Variants in KLHL1 observed in about 807,000 individuals in gnomAD.
The protein encoded by KLHL1 is kelch-like protein 1.
KLHL1 carries 47 observed loss-of-function variants against 77.7 expected under a neutral mutation model. The ratio of observed to expected loss-of-function variants is 0.60; its 90% confidence interval spans 0.48 to 0.77. The LOEUF (loss-of-function observed/expected upper bound fraction) is 0.77. Among genes scored for constraint, KLHL1 ranks in the 30% least tolerant of loss-of-function variants. KLHL1 has a pLI of 0.00. For missense variants in KLHL1, 925 were observed against 910.8 expected, an observed-to-expected ratio of 1.02 and a Z score of -0.20; for synonymous variants, 360 against 325.2, an observed-to-expected ratio of 1.11 and a Z score of -1.15.
chr13:70,034,067 G>A (rs1400215953), intron 1 of KLHL1, among the ~76,000 whole-genome samples: 1 of 152,126 alleles, frequency 6.6e-6, no homozygotes. Context: ...CACTGCTTTA[G>A]TTGTTTAAGT....
intron 7 of KLHL1, among the ~76,000 whole-genome samples, chr13:69,783,969 G>C (rs2138010923): frequency 6.6e-6 from 1 of 152,266 alleles, no homozygotes; most frequent in Non-Finnish European, 1.5e-5. Context: ...AAGCCCATCA[G>C]ACTAACAGCT....
intron 1 of KLHL1, among the ~76,000 whole-genome samples, chr13:70,029,246 C>T (rs1886030956): frequency 6.6e-6 from 1 of 152,020 alleles, no homozygotes; most frequent in Non-Finnish European, 1.5e-5. Context: ...GGTGTTTTCA[C>T]TGGAAATGGC....
intron 1 of KLHL1, among the ~76,000 whole-genome samples, chr13:70,006,347 C>T (rs1251852957): frequency 1.3e-5 from 2 of 151,736 alleles, no homozygotes; most frequent in Non-Finnish European, 2.9e-5. Flanking sequence ...TCCTTTTATT[C>T]TGTTATTGAA....
intron 1 of KLHL1, among the ~76,000 whole-genome samples, chr13:70,079,101 C>A (rs1197772967): frequency 6.6e-6 from 1 of 152,160 alleles, no homozygotes; most frequent in Admixed American, 6.5e-5. Context: ...CAATCATCAA[C>A]CAAGTCATAC....
At chr13:69,861,565 T>TAC (rs944169754) in intron 5 of KLHL1, among the ~76,000 whole-genome samples, 6 of 151,938 alleles carry the variant, frequency 3.9e-5, no homozygotes, top group Non-Finnish European at 8.8e-5. Context: ...TGTATATATA[T>TAC]ACACACGCAC....
intron 5 of KLHL1, among the ~76,000 whole-genome samples, chr13:69,853,443 G>A (rs60638539): frequency 0.045 from 6,842 of 152,038 alleles, 527 homozygotes; most frequent in African/African-American, 0.16. Flanking sequence ...TGAACTGTGA[G>A]TCGATTAAGC....
intron 1 of KLHL1, among the ~76,000 whole-genome samples, chr13:70,041,683 C>T (rs1886383023): frequency 6.6e-6 from 1 of 152,012 alleles, no homozygotes; most frequent in Admixed American, 6.5e-5. Context: ...TCCACTAGTG[C>T]CACTTTGACA....
At chr13:69,880,970 A>G (rs538768700) in intron 5 of KLHL1, among the ~76,000 whole-genome samples, 24 of 152,244 alleles carry the variant, frequency 1.6e-4, no homozygotes, top group African/African-American at 5.5e-4. Context: ...TTCTTCCCCA[A>G]AAGATTACCC....
chr13:69,980,651 C>T (rs558238958), intron 1 of KLHL1, among the ~76,000 whole-genome samples: 1 of 152,178 alleles, frequency 6.6e-6, no homozygotes, highest in South Asian at 2.1e-4. Context: ...CTTCAGAAAG[C>T]CTTATTTTTT....
At chr13:69,747,793 T>C (rs970787076) in intron 7 of KLHL1, among the ~76,000 whole-genome samples, 3 of 151,932 alleles carry the variant, frequency 2.0e-5, no homozygotes, top group Admixed American at 6.6e-5. Flanking sequence ...TGCTGATGAA[T>C]TGAAACTTAG....
chr13:70,089,099 A>G (rs1887615544), intron 1 of KLHL1, among the ~76,000 whole-genome samples: 1 of 152,186 alleles, frequency 6.6e-6, no homozygotes, highest in Non-Finnish European at 1.5e-5. Flanking sequence ...GCCACAATCC[A>G]TATTGTTAAT....
intron 4 of KLHL1, among the ~76,000 whole-genome samples, chr13:69,922,841 A>T (rs116150031): frequency 0.016 from 2,506 of 152,286 alleles, 18 homozygotes; most frequent in Middle Eastern, 0.044. Context: ...TCTATTCCTT[A>T]AGTTGGGTAG....
intron 1 of KLHL1, among the ~76,000 whole-genome samples, chr13:70,033,427 C>G (rs1886158201): frequency 6.6e-6 from 1 of 151,160 alleles, no homozygotes; most frequent in Non-Finnish European, 1.5e-5. Flanking sequence ...GTAGCTGGGC[C>G]TACAGGTGCC....
At chr13:69,928,561 C>T (rs1408325047) in intron 4 of KLHL1, among the ~76,000 whole-genome samples, 1 of 152,090 alleles carries the variant, frequency 6.6e-6, no homozygotes, top group Admixed American at 6.6e-5. Flanking sequence ...TAAAATGAGG[C>T]ATATCTATAC....
At chr13:69,839,205 G>T in intron 5 of KLHL1, 43 bp from the exon 6 acceptor site, 1 of 1,319,078 alleles carries the variant, frequency 7.6e-7, no homozygotes, top group Non-Finnish European at 1.0e-6. Flanking sequence ...TTTTCAAAGA[G>T]ATGAACATTA....
At chr13:70,007,790 C>G (rs1012243825) in intron 1 of KLHL1, among the ~76,000 whole-genome samples, 2 of 151,856 alleles carry the variant, frequency 1.3e-5, no homozygotes, top group African/African-American at 4.8e-5. Context: ...CAAATACAAA[C>G]ACAGAGGTCT....
chr13:70,003,629 A>C (rs2137328483), intron 1 of KLHL1, among the ~76,000 whole-genome samples: 1 of 151,968 alleles, frequency 6.6e-6, no homozygotes, highest in African/African-American at 2.4e-5. Flanking sequence ...AAATGCATTT[A>C]TCATTGAAAC....
intron 1 of KLHL1, among the ~76,000 whole-genome samples, chr13:70,045,664 CT>C (rs1344316673): frequency 6.6e-6 from 1 of 152,054 alleles, no homozygotes; most frequent in East Asian, 1.9e-4. Context: ...AGCTTGCTGG[CT>C]TTATTCTTAT....
chr13:69,931,532 A>G (rs1270048185), intron 4 of KLHL1, among the ~76,000 whole-genome samples: 1 of 151,790 alleles, frequency 6.6e-6, no homozygotes, highest in Non-Finnish European at 1.5e-5. Flanking sequence ...ACTATTATCC[A>G]GCAATTTTCT....
Sources: allele counts gnomAD v4.1 joint callset (sites outside exome capture counted in the v4.1 genomes callset), GRCh38; gene constraint gnomAD v4.1.1; transcripts MANE v1.5; gene names NCBI Gene and HGNC (gene_info 2026-07-23, HGNC 2026-07-21).